The following HIVEP2 variants were observed in gnomAD, a reference collection of about 807,000 sequenced individuals.
HIVEP2 encodes transcription factor HIVEP2.
HIVEP2 carries 14 observed loss-of-function variants against 180.7 expected under a neutral mutation model. That is an observed-to-expected ratio of 0.08 (90% CI 0.05 to 0.12). The LOEUF is 0.12. HIVEP2 is among the 10% of genes least tolerant of loss of function. The pLI is 1.00. For missense variants in HIVEP2, 2,579 were observed against 3,008.5 expected, an observed-to-expected ratio of 0.86 and a Z score of 3.34; for synonymous variants, 1,184 against 1,136.4, an observed-to-expected ratio of 1.04 and a Z score of -0.84.
Position 142,815,441 on chromosome 6 carries a change from A to G in HIVEP2, c.-528+21494T>C, listed in dbSNP as rs180888830. 2.8e-3 allele frequency among the ~76,000 whole-genome samples: 429 copies of G among 152,318 alleles called. 1 individual carries two copies. Among genetic ancestry groups the G allele is most frequent in the African/African-American group, 1.0e-2 (415 of 41,580 alleles). On this transcript the variant is annotated intron_variant, in intron 2 of 9. Coordinates refer to ENST00000367603, the MANE Select transcript of HIVEP2 (RefSeq NM_006734.4). ...CAATAGAAAAGTCACATTAAATGAG[A>G]AAATTTTAAATGTCTACTGAAATTG...
chr6:142,908,885 T>A (rs1269225226), intron 1 of HIVEP2, among the ~76,000 whole-genome samples: 1 of 146,350 alleles, frequency 6.8e-6, no homozygotes, highest in African/African-American at 2.5e-5. Flanking sequence ...AAATTCTGAA[T>A]TCTACACAAC....
chr6:142,908,273 T>G (rs1777317128), intron 1 of HIVEP2, among the ~76,000 whole-genome samples: 1 of 152,222 alleles, frequency 6.6e-6, no homozygotes, highest in Non-Finnish European at 1.5e-5. Flanking sequence ...TTGTAACATA[T>G]GTCCATCTTC....
rs529983164 is a variant in HIVEP2, at chr6:142,772,474, C to T, written c.2265G>A (p.Thr755=). 1.2e-5 allele frequency: 20 copies of T among 1,614,174 alleles called. No homozygotes were observed. Among genetic ancestry groups the T allele is most frequent in the African/African-American group, 6.7e-5 (5 of 75,046 alleles). Residue 755 remains threonine (T), a synonymous_variant, in exon 5 of 10, where the codon ACG becomes ACA. Coordinates refer to ENST00000367603, the MANE Select transcript of HIVEP2 (RefSeq NM_006734.4). This position sits in a 1 kb window ranked among gnomAD's most constrained non-coding sequence, Gnocchi z 4.9. The part of the protein sequence containing the change: ...AGHENLSHGH[T]ERFDPCRPQL... ...GGGGCCGACATGGGTCAAAGCGTTC[C>T]GTGTGACCATGAGAAAGGTTTTCGT...
At chr6:142,810,965 A>G (rs772904739) in intron 2 of HIVEP2, among the ~76,000 whole-genome samples, 3 of 152,134 alleles carry the variant, frequency 2.0e-5, no homozygotes, top group Non-Finnish European at 4.4e-5. Context: ...AGAGCACTAC[A>G]CATCAGGAAT....
At chr6:142,839,151 GTA>G (rs1554216428) in intron 1 of HIVEP2, among the ~76,000 whole-genome samples, 5 of 152,080 alleles carry the variant, frequency 3.3e-5, no homozygotes, top group Non-Finnish European at 7.4e-5. Context: ...TGTGCAACAG[GTA>G]AGCCTCGCGT....
At chr6:142,855,765 G>A (rs892578123) in intron 1 of HIVEP2, among the ~76,000 whole-genome samples, 2 of 152,196 alleles carry the variant, frequency 1.3e-5, no homozygotes, top group African/African-American at 4.8e-5. Context: ...GAGTGTCAAC[G>A]TTGGACTCAG....
chr6:142,876,038 C>G (rs1666449615), intron 1 of HIVEP2, among the ~76,000 whole-genome samples: 1 of 152,122 alleles, frequency 6.6e-6, no homozygotes, highest in Non-Finnish European at 1.5e-5. Context: ...TAGGGGCAGC[C>G]TAGCAAATAA....
intron 2 of HIVEP2, among the ~76,000 whole-genome samples, chr6:142,831,164 G>A (rs536900182): frequency 1.3e-5 from 2 of 152,294 alleles, no homozygotes; most frequent in African/African-American, 2.4e-5. Flanking sequence ...TGAGTGGAAC[G>A]CAGCCACAAG....
chr6:142,818,764 AGAAAGAAAGAAAGAAAGAAAGAAAG>A (rs1776935806), intron 2 of HIVEP2, among the ~76,000 whole-genome samples: 1 of 147,864 alleles, frequency 6.8e-6, no homozygotes, highest in African/African-American at 2.6e-5. Flanking sequence ...AAAGAAAGAA[AGAAAGAAAGAAAGAAAGAAAGAAAG>A]AAAAAGAAAA....
At chr6:142,781,298 G>A (rs1323059720) in intron 3 of HIVEP2, among the ~76,000 whole-genome samples, 7 of 152,076 alleles carry the variant, frequency 4.6e-5, no homozygotes, top group Non-Finnish European at 8.8e-5. Flanking sequence ...ACAGCGAGTC[G>A]TCACTTTATT....
chr6:142,808,961 C>A (rs889081193), intron 2 of HIVEP2, among the ~76,000 whole-genome samples: 1 of 152,056 alleles, frequency 6.6e-6, no homozygotes, highest in African/African-American at 2.4e-5. Flanking sequence ...TACAGCTCTT[C>A]TCTTCCTTAT....
chr6:142,882,204 T>A lies in HIVEP2; in HGVS notation c.-640-45157A>T, dbSNP rs118152976. ...TTTATTAGGCCTTATATTCTTCATC[T>A]ATAAGGTGACTACAGTGAAGTATGA... On this transcript the variant is annotated intron_variant, in intron 1 of 9. Coordinates refer to ENST00000367603, the MANE Select transcript of HIVEP2 (RefSeq NM_006734.4). 1.8e-3 allele frequency among the ~76,000 whole-genome samples: 279 copies of A among 152,342 alleles called. 2 individuals are homozygous for A. The highest frequency in any genetic ancestry group is 9.6e-3 in the East Asian group (50 of 5,188).
At chr6:142,899,412 T>C (rs1179426609) in intron 1 of HIVEP2, among the ~76,000 whole-genome samples, 1 of 152,188 alleles carries the variant, frequency 6.6e-6, no homozygotes, top group Non-Finnish European at 1.5e-5. Flanking sequence ...TTTCATAATG[T>C]ATTGCAGTTT....
intron 1 of HIVEP2, among the ~76,000 whole-genome samples, chr6:142,856,990 G>A (rs974033026): frequency 7.2e-5 from 11 of 152,196 alleles, no homozygotes; most frequent in Non-Finnish European, 1.5e-5. Context: ...CAAAAATCTA[G>A]TCAGGTGTTG....
chr6:142,767,875 G>C (rs1287492148), intron 6 of HIVEP2, among the ~76,000 whole-genome samples: 2 of 152,184 alleles, frequency 1.3e-5, no homozygotes, highest in African/African-American at 4.8e-5. Context: ...GTGGTACCCT[G>C]ACTTGGATCC....
chr6:142,818,692 C>CAAGAAAGA (rs145421215), intron 2 of HIVEP2, among the ~76,000 whole-genome samples: 5 of 51,776 alleles, frequency 9.7e-5, no homozygotes, highest in Admixed American at 2.7e-4. Flanking sequence ...GAGAGAGAGA[C>CAAGAAAGA]AAGAAAGAAA....
chr6:142,759,895 A>C lies in HIVEP2; in HGVS notation c.6393T>G (p.Pro2131=). The C allele has an allele frequency of 6.2e-7, 1 of 1,614,080 alleles. No homozygotes were observed. Among genetic ancestry groups the C allele is most frequent in the Non-Finnish European group, 8.5e-7 (1 of 1,179,986 alleles). The change falls in exon 9 of 10, where the codon CCT becomes CCG. Residue 2131 remains proline (P), a synonymous_variant. Coordinates refer to ENST00000367603, the MANE Select transcript of HIVEP2 (RefSeq NM_006734.4). ...TGGTCATGTATCTTCTCTCTCTTCTAGGAGAGAGGTCTCTTCTTGCTGTGA... is the reference window on the plus strand; with the variant it reads ...TGGTCATGTATCTTCTCTCTCTTCTCGGAGAGAGGTCTCTTCTTGCTGTGA... The part of the protein sequence containing the change: ...KDITARRDLS[P]RRERRYMTTI...
In HIVEP2 at chr6:142,770,147, G is replaced by C; in HGVS notation, c.4592C>G (p.Pro1531Arg). 1 of 1,614,200 alleles carries C rather than the reference G, an allele frequency of 6.2e-7. No individual in the cohort carries two copies. ...GGGCAGGAATGGCTCCCTGGAAGACGGGCTAACAGAAGGATAGTCTTGAGA... is the reference window on the plus strand; with the variant it reads ...GGGCAGGAATGGCTCCCTGGAAGACCGGCTAACAGAAGGATAGTCTTGAGA... ...SSSQDYPSVSPSSREPFLPSK... is the reference protein window; with the variant it reads ...SSSQDYPSVSRSSREPFLPSK... The change falls in exon 5 of 10, where the codon CCG (proline) becomes CGG (arginine). Residue 1531 changes from proline (P) to arginine (R), a missense_variant. Coordinates refer to ENST00000367603, the MANE Select transcript of HIVEP2 (RefSeq NM_006734.4). The surrounding 1 kb of genome is among the most constrained non-coding windows in gnomAD (Gnocchi z 4.7).
intron 2 of HIVEP2, among the ~76,000 whole-genome samples, chr6:142,793,647 TC>T (rs1213373790): frequency 0.16 from 7,288 of 45,326 alleles, 279 homozygotes; most frequent in East Asian, 0.19. Context: ...TTTCTTTCTT[TC>T]TTTCTTTCTT....
Sources: allele counts gnomAD v4.1 joint callset (sites outside exome capture counted in the v4.1 genomes callset), GRCh38; gene constraint gnomAD v4.1.1; non-coding constraint Gnocchi (gnomAD v3.1); transcripts MANE v1.5; gene names NCBI Gene and HGNC (gene_info 2026-07-23, HGNC 2026-07-21).